MARCHF1: variants seen among roughly 807,000 people sequenced by gnomAD.
The protein encoded by MARCHF1 is membrane associated ring-CH-type finger 1.
MARCHF1 carries 40 observed loss-of-function variants against 54.2 expected under a neutral mutation model. That is an observed-to-expected ratio of 0.74 (90% CI 0.57 to 0.96). The LOEUF is 0.96. Among genes scored for constraint, MARCHF1 ranks in the 40% least tolerant of loss-of-function variants. The probability of loss-of-function intolerance (pLI) is 0.00; values close to 1 mark genes in which losing one functional copy is unlikely to be tolerated. For missense variants in MARCHF1, 586 were observed against 656.5 expected, an observed-to-expected ratio of 0.89 and a Z score of 1.17; for synonymous variants, 236 against 236.3, an observed-to-expected ratio of 1.00 and a Z score of 0.01.
intron 4 of MARCHF1, among the ~76,000 whole-genome samples, chr4:163,841,549 G>C (rs1441779053): frequency 6.6e-6 from 1 of 152,056 alleles, no homozygotes; most frequent in Non-Finnish European, 1.5e-5. Context: ...TCATAATACA[G>C]TTATGCATAT....
At chr4:164,367,896 C>G (rs1730921385) in intron 1 of MARCHF1, among the ~76,000 whole-genome samples, 1 of 151,790 alleles carries the variant, frequency 6.6e-6, no homozygotes, top group Admixed American at 6.6e-5. Context: ...TCTCCATCAT[C>G]TCTTAAGTCC....
chr4:164,357,325 T>C lies in MARCHF1; in HGVS notation c.-323+26545A>G, dbSNP rs552557639. On this transcript the variant is annotated intron_variant, in intron 1 of 9. Transcript: ENST00000514618. ...CTTAGATTTCTTGGTTTGTGGCTCC[T>C]TCCTCCATCTCCAAAGCTCATCACT... Among the ~76,000 whole-genome samples the C allele has an allele frequency of 1.3e-4, 20 of 152,198 alleles. 1 individual carries two copies. The South Asian group carries it at 4.1e-3, about 32-fold the overall frequency.
At chr4:164,197,109 T>A (rs771307272) in intron 1 of MARCHF1, 41 of 1,606,092 alleles carry the variant, frequency 2.6e-5, no homozygotes, top group Non-Finnish European at 3.4e-5. Context: ...CCTCGTCCCC[T>A]CCACTCACGT....
At chr4:164,149,691 G>T (rs1486481718) in intron 1 of MARCHF1, among the ~76,000 whole-genome samples, 1 of 152,076 alleles carries the variant, frequency 6.6e-6, no homozygotes, top group East Asian at 1.9e-4. Flanking sequence ...TTTTGGTCAA[G>T]AATACCATGA....
At chr4:164,206,097 C>G (rs745605663) in intron 1 of MARCHF1, among the ~76,000 whole-genome samples, 5 of 149,578 alleles carry the variant, frequency 3.3e-5, no homozygotes, top group Non-Finnish European at 7.4e-5. Flanking sequence ...AACATGACAT[C>G]CCATCCCCGA....
rs1553971748 is a variant in MARCHF1 at position 164,034,104 on chromosome 4, T to TAGATAGATAGATAGATAGATAGATAGAC, written c.-247-45396_-247-45395insGTCTATCTATCTATCTATCTATCTATCT. On this transcript the variant is annotated intron_variant, in intron 2 of 9. Transcript: ENST00000514618. ...ATAGATAGATAGATAGATAGATAGA[T>TAGATAGATAGATAGATAGATAGATAGAC]AGATAGATAGATAGAGATATATACA... Among the ~76,000 whole-genome samples, 40 of 141,758 alleles carry TAGATAGATAGATAGATAGATAGATAGAC rather than the reference T, an allele frequency of 2.8e-4. 1 individual carries two copies. The highest frequency in any genetic ancestry group is 3.7e-4 in the Non-Finnish European group (24 of 65,720). 93.0% of individuals were successfully genotyped at this position (141,758 alleles called of 152,430 possible). A position where few individuals can be genotyped will look rare whatever the true frequency, so the allele number is the denominator to read the frequency against.
At chr4:164,083,984 T>C (rs931042030) in intron 2 of MARCHF1, among the ~76,000 whole-genome samples, 6 of 152,068 alleles carry the variant, frequency 3.9e-5, no homozygotes, top group Non-Finnish European at 2.9e-5. Flanking sequence ...CTATTTTAGT[T>C]TCTATGATAT....
At chr4:164,369,652 T>C (rs1310922220) in intron 1 of MARCHF1, among the ~76,000 whole-genome samples, 1 of 152,194 alleles carries the variant, frequency 6.6e-6, no homozygotes, top group Non-Finnish European at 1.5e-5. Context: ...TGTACTTACG[T>C]ACTATAATGT....
At chr4:163,750,287 G>A (rs190064182) in intron 4 of MARCHF1, among the ~76,000 whole-genome samples, 2,338 of 151,958 alleles carry the variant, frequency 0.015, 57 homozygotes, top group African/African-American at 0.053. Context: ...CGAGGCGGGC[G>A]GATCATGAGG....
intron 2 of MARCHF1, among the ~76,000 whole-genome samples, chr4:164,104,795 G>A (rs1216195096): frequency 2.6e-5 from 1 of 38,816 alleles, no homozygotes; most frequent in South Asian, 1.1e-3. Context: ...GAAATAAAGG[G>A]TATTCAATTA....
intron 8 of MARCHF1, among the ~76,000 whole-genome samples, chr4:163,581,705 C>G (rs1011684304): frequency 1.3e-5 from 2 of 152,156 alleles, no homozygotes; most frequent in African/African-American, 4.8e-5. Context: ...AACTACAGCA[C>G]TGTAAATAAT....
At chr4:164,159,152 A>G (rs1036389478) in intron 1 of MARCHF1, among the ~76,000 whole-genome samples, 1 of 152,190 alleles carries the variant, frequency 6.6e-6, no homozygotes, top group African/African-American at 2.4e-5. Flanking sequence ...AAATGGAGAT[A>G]ATAAAGTAAT....
At chr4:164,298,010 A>G (rs567475710) in intron 1 of MARCHF1, among the ~76,000 whole-genome samples, 3 of 152,218 alleles carry the variant, frequency 2.0e-5, no homozygotes, top group Non-Finnish European at 4.4e-5. Flanking sequence ...ATCCACACCT[A>G]TCTAATCTAG....
At chr4:164,313,363 A>AAAAAAAAAAAAAC (rs1224888964) in intron 1 of MARCHF1, among the ~76,000 whole-genome samples, 1 of 151,532 alleles carries the variant, frequency 6.6e-6, no homozygotes, top group African/African-American at 2.4e-5. Context: ...AAAAAAAAAA[A>AAAAAAAAAAAAAC]AAAAGTGTAG....
rs533487030 is a variant in MARCHF1, at chr4:163,840,282, A to G, written c.111+13739T>C. Among the ~76,000 whole-genome samples, 3 of 152,210 alleles carry G rather than the reference A, an allele frequency of 2.0e-5. No homozygotes were observed. In the Middle Eastern group the frequency reaches 0.01, roughly 518 times the overall value. On this transcript the variant is annotated intron_variant, in intron 4 of 9. Coordinates refer to ENST00000514618, the MANE Select transcript of MARCHF1 (RefSeq NM_001394959.1). ...TTTTTTGGAGGTCCCCAGGAAGGGA[A>G]TGGGGCGTGTTCAATCTACCACTCT... is the stretch of plus-strand genomic sequence containing the variant.
intron 4 of MARCHF1, among the ~76,000 whole-genome samples, chr4:163,735,788 C>T (rs539592845): frequency 3.3e-5 from 5 of 152,230 alleles, no homozygotes; most frequent in African/African-American, 1.2e-4. Flanking sequence ...CTCATTGTTA[C>T]CAATTTAAAT....
At chr4:164,292,857 T>C (rs1313134304) in intron 1 of MARCHF1, among the ~76,000 whole-genome samples, 1 of 152,230 alleles carries the variant, frequency 6.6e-6, no homozygotes, top group African/African-American at 2.4e-5. Context: ...TAAAATTTCC[T>C]TGACAAGATT....
intron 6 of MARCHF1, 58 bp downstream of exon 6, chr4:163,613,256 C>T (rs1416309074): frequency 4.6e-6 from 7 of 1,511,354 alleles, no homozygotes; most frequent in East Asian, 4.6e-5. Context: ...GAACAAACAA[C>T]AAGAATACGA....
chr4:163,591,580 T>G (rs908464348), intron 7 of MARCHF1, among the ~76,000 whole-genome samples: 2 of 152,142 alleles, frequency 1.3e-5, no homozygotes, highest in African/African-American at 4.8e-5. Context: ...GTTATGAGAA[T>G]GTTAAGAAGT....
Sources: allele counts gnomAD v4.1 joint callset (sites outside exome capture counted in the v4.1 genomes callset), GRCh38; gene constraint gnomAD v4.1.1; transcripts MANE v1.5; gene names NCBI Gene and HGNC (gene_info 2026-07-23, HGNC 2026-07-21).